Variants in RYR2 observed in about 807,000 individuals in gnomAD.
The protein encoded by RYR2 is ryanodine receptor 2.
RYR2 carries 227 observed loss-of-function variants against 601.1 expected under a neutral mutation model. The observed-to-expected ratio is 0.38, with a 90% CI of 0.34 to 0.42. RYR2 has a LOEUF of 0.42. Ranked by LOEUF, RYR2 falls within the 10% of genes least tolerant of loss-of-function variation. The pLI, the probability that RYR2 is intolerant of heterozygous loss-of-function variation, is 1.00. For missense variants in RYR2, 4,646 were observed against 6,156.5 expected, an observed-to-expected ratio of 0.75 and a Z score of 8.21; for synonymous variants, 2,223 against 2,175.1, an observed-to-expected ratio of 1.02 and a Z score of -0.61.
chr1:237,246,343 G>A (rs1686830459), intron 1 of RYR2, among the ~76,000 whole-genome samples: 1 of 152,116 alleles, frequency 6.6e-6, no homozygotes. Flanking sequence ...TGATCTGCCA[G>A]CCTTGGCTTC....
At chr1:237,321,797 T>G (rs1054720163) in intron 2 of RYR2, among the ~76,000 whole-genome samples, 4 of 152,206 alleles carry the variant, frequency 2.6e-5, no homozygotes, top group Non-Finnish European at 5.9e-5. Context: ...GAGGGGATCT[T>G]CAGACTGGCT....
chr1:237,787,165 CTTTAT>C (rs71561900), intron 91 of RYR2, among the ~76,000 whole-genome samples: 6,332 of 152,072 alleles, frequency 0.042, 152 homozygotes, highest in South Asian at 0.068. Context: ...CTATAATTCA[CTTTAT>C]TTTATTTAAT....
chr1:237,772,169 A>C, intron 86 of RYR2, 69 bp downstream of exon 86: 1 of 849,044 alleles, frequency 1.2e-6, no homozygotes. Context: ...GCAGAGTTTT[A>C]ATGTGTTTTG....
chr1:237,410,900 T>C (rs10802612), intron 10 of RYR2, among the ~76,000 whole-genome samples: 62,191 of 152,052 alleles, frequency 0.41, 13,869 homozygotes, highest in East Asian at 0.71. Flanking sequence ...TGCATTCTTT[T>C]CAGAGCTTGA....
At position 237,583,016 on chromosome 1, in the gene RYR2, A is replaced by C. The variant is rs1674106452; in HGVS notation, c.3599-6777A>C. ...GAGAAATCTCCAAACTGCTTTCCAC[A>C]GTGGCTCAACTTATTTACATTCCCA... On this transcript the variant is annotated intron_variant, in intron 29 of 104. Transcript: ENST00000366574. Among the ~76,000 whole-genome samples, 4 of 151,968 alleles carry C rather than the reference A, an allele frequency of 2.6e-5. No individual in the cohort carries two copies. In the South Asian group the frequency reaches 8.3e-4, roughly 32 times the overall value.
chr1:237,809,780 G>T (rs1574048398), intron 100 of RYR2, among the ~76,000 whole-genome samples: 1 of 152,054 alleles, frequency 6.6e-6, no homozygotes, highest in East Asian at 1.9e-4. Flanking sequence ...TGATGAGAAT[G>T]ACCAGTATTA....
intron 27 of RYR2, among the ~76,000 whole-genome samples, chr1:237,562,711 T>C (rs1017174703): frequency 1.3e-5 from 2 of 152,192 alleles, no homozygotes; most frequent in Non-Finnish European, 2.9e-5. Context: ...AGTATAAAAA[T>C]CACTTATATA....
intron 34 of RYR2, among the ~76,000 whole-genome samples, chr1:237,598,731 T>C (rs1323886966): frequency 6.6e-6 from 1 of 152,024 alleles, no homozygotes; most frequent in African/African-American, 2.4e-5. Flanking sequence ...CACCTAATAT[T>C]GCACCTCCAA....
At chr1:237,462,721 C>T (rs527836260) in intron 16 of RYR2, among the ~76,000 whole-genome samples, 1 of 152,118 alleles carries the variant, frequency 6.6e-6, no homozygotes, top group Non-Finnish European at 1.5e-5. Flanking sequence ...CTCAAGGAGG[C>T]AGATCTCCCT....
chr1:237,576,204 C>T (rs964813069), intron 29 of RYR2, among the ~76,000 whole-genome samples: 10 of 152,060 alleles, frequency 6.6e-5, no homozygotes, highest in African/African-American at 1.4e-4. Context: ...TTCAATCCGT[C>T]GATCAGACTT....
At position 237,075,335 on chromosome 1, in the gene RYR2, G is replaced by T. The variant is rs12093641; in HGVS notation, c.48+32766G>T. The stretch of plus-strand genomic sequence containing the variant: ...TCCCAGCGTGAGCGACGCAGAAGAC[G>T]GGTGATTTCTGCATTTCCATCTGAG... On this transcript the variant is annotated intron_variant, in intron 1 of 104. Transcript: ENST00000366574. 9.8e-3 allele frequency among the ~76,000 whole-genome samples: 1,488 copies of T among 151,398 alleles called. 28 individuals are homozygous for T. The highest frequency in any genetic ancestry group is 0.035 in the African/African-American group (1,423 of 41,202).
At chr1:237,330,677 C>G (rs80072844) in intron 2 of RYR2, among the ~76,000 whole-genome samples, 1 of 152,162 alleles carries the variant, frequency 6.6e-6, no homozygotes. Flanking sequence ...CGTGAGCCAC[C>G]GCACCCGGCC....
intron 71 of RYR2, among the ~76,000 whole-genome samples, chr1:237,714,990 TCA>T (rs201906695): frequency 0.011 from 974 of 89,250 alleles, 103 homozygotes; most frequent in Non-Finnish European, 0.012. Context: ...AGACTCCATC[TCA>T]AAAAAAAAAA....
chr1:237,635,048 C>A, intron 44 of RYR2, 56 bp downstream of exon 44: 1 of 1,283,950 alleles, frequency 7.8e-7, no homozygotes, highest in Non-Finnish European at 1.0e-6. Context: ...TCACGGTTTT[C>A]TCAATATTTT....
At chr1:237,705,429 C>T (rs1049912788) in intron 67 of RYR2, 86 bp downstream of exon 67, 2 of 1,101,656 alleles carry the variant, frequency 1.8e-6, no homozygotes, top group Admixed American at 2.4e-5. Context: ...TTTTAATGAG[C>T]TCTTTCAGTT....
Position 237,530,452 on chromosome 1 carries a change from G to T in RYR2, c.2848G>T (p.Val950Leu), listed in dbSNP as rs794728731. The T allele has an allele frequency of 1.9e-6, 3 of 1,609,276 alleles. No homozygotes were observed. The highest frequency in any genetic ancestry group is 2.5e-6 in the Non-Finnish European group (3 of 1,177,718). The part of the protein sequence containing the change: ...LKTLLALGCH[V>L]GISDEHAEDK... ...GACTTTGTTGGCATTAGGATGTCAT[G>T]TGGGTATATCAGATGAACATGCTGA... Residue 950 changes from valine to leucine, a missense_variant, in exon 25 of 105, where the codon GTG becomes TTG. Physicochemically the swap from Val to Leu is conservative, Grantham distance 32. Coordinates refer to ENST00000366574, the MANE Select transcript of RYR2 (RefSeq NM_001035.3).
chr1:237,052,992 G>T (rs569039937), intron 1 of RYR2, among the ~76,000 whole-genome samples: 2 of 152,244 alleles, frequency 1.3e-5, no homozygotes, highest in African/African-American at 4.8e-5. Flanking sequence ...GGGATTACAG[G>T]TGCCCGCCAC....
At chr1:237,645,461 T>G (rs1051085074) in intron 48 of RYR2, among the ~76,000 whole-genome samples, 1 of 152,232 alleles carries the variant, frequency 6.6e-6, no homozygotes, top group Non-Finnish European at 1.5e-5. Context: ...CTCTATACTT[T>G]GAGCCACAAA....
chr1:237,669,114 A>G (rs1287800130), intron 58 of RYR2, among the ~76,000 whole-genome samples: 1 of 143,646 alleles, frequency 7.0e-6, no homozygotes, highest in Non-Finnish European at 1.6e-5. Context: ...TCTGTTTAAC[A>G]AAGCACATCT....
Sources: allele counts gnomAD v4.1 joint callset (sites outside exome capture counted in the v4.1 genomes callset), GRCh38; gene constraint gnomAD v4.1.1; transcripts MANE v1.5; gene names NCBI Gene and HGNC (gene_info 2026-07-23, HGNC 2026-07-21).